CACNA2D3: variants seen among roughly 807,000 people sequenced by gnomAD.
CACNA2D3 encodes the protein calcium voltage-gated channel auxiliary subunit alpha2delta 3, also known as voltage-dependent calcium channel subunit alpha-2/delta-3.
A neutral mutation model predicts 160.6 loss-of-function variants in CACNA2D3; 60 were observed. The observed-to-expected ratio is 0.37, with a 90% CI of 0.30 to 0.46. The LOEUF is 0.46. Among genes scored for constraint, CACNA2D3 ranks in the 20% least tolerant of loss-of-function variants. CACNA2D3 has a pLI of 1.00. For missense variants in CACNA2D3, 1,205 were observed against 1,365.0 expected (o/e 0.88, Z 1.85); for synonymous variants, 558 against 492.9 (o/e 1.13, Z -1.75).
chr3:54,563,071 G>A (rs549865620), intron 6 of CACNA2D3, 140 bp downstream of exon 6: 2 of 773,666 alleles, frequency 2.6e-6, no homozygotes, highest in South Asian at 3.6e-5. Context: ...CTATTGTCAG[G>A]GTGCAGGACA....
chr3:54,453,823 A>G (rs1440651367), intron 4 of CACNA2D3, among the ~76,000 whole-genome samples: 3 of 152,188 alleles, frequency 2.0e-5, no homozygotes, highest in African/African-American at 2.4e-5. Flanking sequence ...GGGCCCTCCC[A>G]TTATTAGTTC....
At chr3:54,728,739 T>A (rs181126711) in intron 11 of CACNA2D3, among the ~76,000 whole-genome samples, 1 of 152,352 alleles carries the variant, frequency 6.6e-6, no homozygotes, top group South Asian at 2.1e-4. Flanking sequence ...TGTTTATTTA[T>A]AATTTGTCCT....
intron 2 of CACNA2D3, among the ~76,000 whole-genome samples, chr3:54,244,146 C>G (rs191688881): frequency 6.6e-6 from 1 of 151,972 alleles, no homozygotes; most frequent in Non-Finnish European, 1.5e-5. Context: ...GCACTGCGAC[C>G]GTGGAGTGAG....
chr3:54,908,217 G>A (rs1006072926), intron 27 of CACNA2D3, among the ~76,000 whole-genome samples: 2 of 151,086 alleles, frequency 1.3e-5, no homozygotes, highest in Non-Finnish European at 1.5e-5. Flanking sequence ...TTCTAATACT[G>A]TCTGTCTTTT....
At chr3:54,730,728 T>C (rs7639725) in intron 11 of CACNA2D3, among the ~76,000 whole-genome samples, 140,689 of 152,112 alleles carry the variant, frequency 0.92, 65,342 homozygotes, top group Non-Finnish European at 0.94. Flanking sequence ...GTCTCGAACT[T>C]CTGACCTCAG....
intron 31 of CACNA2D3, among the ~76,000 whole-genome samples, chr3:54,992,790 A>G (rs1360923295): frequency 1.3e-5 from 2 of 151,844 alleles, no homozygotes; most frequent in Admixed American, 1.3e-4. Context: ...GAAAAAAAAA[A>G]AAAAGAAAAA....
At chr3:54,591,869 G>A (rs976390180) in intron 9 of CACNA2D3, among the ~76,000 whole-genome samples, 1 of 152,098 alleles carries the variant, frequency 6.6e-6, no homozygotes, top group African/African-American at 2.4e-5. Context: ...TGAGTTAAAG[G>A]AGTCTGACTA....
intron 11 of CACNA2D3, among the ~76,000 whole-genome samples, chr3:54,721,967 G>A (rs1383466027): frequency 6.6e-6 from 1 of 152,054 alleles, no homozygotes; most frequent in Non-Finnish European, 1.5e-5. Flanking sequence ...GTCTTGCTAG[G>A]TTGGGGAAGT....
chr3:54,212,530 G>C (rs115586327), intron 2 of CACNA2D3, among the ~76,000 whole-genome samples: 1 of 152,168 alleles, frequency 6.6e-6, no homozygotes, highest in Non-Finnish European at 1.5e-5. Context: ...GCAGGCGTCA[G>C]AGAGAATAGA....
intron 11 of CACNA2D3, among the ~76,000 whole-genome samples, chr3:54,743,240 A>T (rs1701688494): frequency 1.3e-5 from 2 of 152,228 alleles, no homozygotes; most frequent in Non-Finnish European, 1.5e-5. Context: ...AAGTAGAAAT[A>T]AACATAAGTA....
chr3:54,346,750 T>C (rs1197119546), intron 3 of CACNA2D3, among the ~76,000 whole-genome samples: 1 of 152,202 alleles, frequency 6.6e-6, no homozygotes, highest in East Asian at 1.9e-4. Flanking sequence ...GTTCTAAGGG[T>C]TTTAACAAGT....
At chr3:54,922,393 T>A (rs1700878049) in intron 27 of CACNA2D3, among the ~76,000 whole-genome samples, 1 of 152,042 alleles carries the variant, frequency 6.6e-6, no homozygotes, top group South Asian at 2.1e-4. Flanking sequence ...GGCCTGTGCT[T>A]ACAATTTAAT....
rs1344675439 is a variant in CACNA2D3, at chr3:54,320,492, C to T, written c.255C>T (p.Leu85=). The T allele has an allele frequency of 6.4e-7, 1 of 1,569,428 alleles. No homozygotes were observed. Among genetic ancestry groups the T allele is most frequent in the Non-Finnish European group, 8.6e-7 (1 of 1,156,698 alleles). The change falls in exon 3 of 38, where the codon CTC becomes CTT. Residue 85 remains leucine, a synonymous_variant. Transcript: ENST00000474759. ...KDVAIEEIDG[L]QLVKKLAKNM... ...TTGCCATAGAAGAAATTGATGGCCT[C>T]CAACTGGTAAAGAAGCTGGCAAAGA...
At position 54,434,117 on chromosome 3, in the gene CACNA2D3, C is replaced by T. The variant is rs564233819; in HGVS notation, c.381+47343C>T. ...CTCCTTGGTGGAAGTAGGCAGTGCTCCTGTTCCCCTGTCAGAGTACTGTCA... is the reference window on the plus strand; with the variant it reads ...CTCCTTGGTGGAAGTAGGCAGTGCTTCTGTTCCCCTGTCAGAGTACTGTCA... On this transcript the variant is annotated intron_variant, in intron 4 of 37. Transcript: ENST00000474759. Among the ~76,000 whole-genome samples the T allele has an allele frequency of 2.6e-4, 39 of 152,286 alleles. No individual in the cohort carries two copies. The East Asian group carries it at 7.0e-3, about 27-fold the overall frequency.
intron 34 of CACNA2D3, among the ~76,000 whole-genome samples, chr3:55,013,977 G>C (rs766998052): frequency 6.6e-6 from 1 of 152,286 alleles, no homozygotes; most frequent in African/African-American, 2.4e-5. Context: ...GATAGGTCAT[G>C]GTGACATCGG....
intron 11 of CACNA2D3, among the ~76,000 whole-genome samples, chr3:54,748,859 A>G (rs1701806741): frequency 6.6e-6 from 1 of 152,176 alleles, no homozygotes; most frequent in Non-Finnish European, 1.5e-5. Context: ...GTTGTTGGAA[A>G]TAAAATCCAT....
chr3:54,401,765 A>G (rs988582931), intron 4 of CACNA2D3, among the ~76,000 whole-genome samples: 2 of 152,194 alleles, frequency 1.3e-5, no homozygotes, highest in Admixed American at 1.3e-4. Flanking sequence ...GAGTTCTTCA[A>G]GTAGAAACAA....
intron 8 of CACNA2D3, among the ~76,000 whole-genome samples, chr3:54,571,735 T>G (rs1169551709): frequency 6.6e-6 from 1 of 151,718 alleles, no homozygotes; most frequent in Non-Finnish European, 1.5e-5. Context: ...CTATGGACAA[T>G]GGAGGCAGCA....
chr3:54,389,128 C>G (rs949474953), intron 4 of CACNA2D3, among the ~76,000 whole-genome samples: 1 of 152,048 alleles, frequency 6.6e-6, no homozygotes, highest in African/African-American at 2.4e-5. Flanking sequence ...AACCCTGTCT[C>G]TACTAAAAAT....
Sources: allele counts gnomAD v4.1 joint callset (sites outside exome capture counted in the v4.1 genomes callset), GRCh38; gene constraint gnomAD v4.1.1; transcripts MANE v1.5; gene names NCBI Gene and HGNC (gene_info 2026-07-23, HGNC 2026-07-21).